GOLPH3: variants seen among roughly 807,000 people sequenced by gnomAD.
GOLPH3 encodes the protein coat protein GPP34.
A neutral mutation model predicts 28.5 loss-of-function variants in GOLPH3; 14 were observed. The ratio of observed to expected loss-of-function variants is 0.49; its 90% CI spans 0.32 to 0.77. The LOEUF is 0.77. Ranked by LOEUF, GOLPH3 falls within the 30% of genes least tolerant of loss-of-function variation. The pLI, the probability that GOLPH3 is intolerant of heterozygous loss-of-function variation, is 0.03. For synonymous variants in GOLPH3, 158 were observed against 159.2 expected (o/e 0.99, Z 0.06); for missense variants, 350 against 393.7 (o/e 0.89, Z 0.94).
intron 2 of GOLPH3, among the ~76,000 whole-genome samples, chr5:32,138,558 T>C (rs76066592): frequency 0.037 from 5,628 of 152,248 alleles, 381 homozygotes; most frequent in African/African-American, 0.13. Flanking sequence ...CTAGTAGTTA[T>C]ATTTTAAAAG....
chr5:32,147,205 T>C (rs982183317), intron 1 of GOLPH3, among the ~76,000 whole-genome samples: 2 of 151,860 alleles, frequency 1.3e-5, no homozygotes, highest in Non-Finnish European at 2.9e-5. Context: ...ATTATCATAG[T>C]AAAACACAAA....
At chr5:32,169,995 C>T (rs1402110507) in intron 1 of GOLPH3, among the ~76,000 whole-genome samples, 1 of 151,580 alleles carries the variant, frequency 6.6e-6, no homozygotes, top group Non-Finnish European at 1.5e-5. Context: ...ACTTTAGACT[C>T]ACTCCTAACA....
At position 32,164,802 on chromosome 5, in the gene GOLPH3, CTTAA is replaced by C. The variant is rs544360313; in HGVS notation, c.225+9004_225+9007del. Among the ~76,000 whole-genome samples the C allele has an allele frequency of 3.7e-3, 561 of 151,086 alleles. 2 individuals are homozygous for C. Among genetic ancestry groups the C allele is most frequent in the African/African-American group, 0.013 (522 of 41,050 alleles). On this transcript the variant is annotated intron_variant, in intron 1 of 3. Coordinates refer to ENST00000265070, the MANE Select transcript of GOLPH3 (RefSeq NM_022130.4). ...TTTACTTAATAAAGCCAGTAATCTA[CTTAA>C]TTAATACAGTAAATGTATTAAGTAA...
At chr5:32,143,617 T>G in intron 2 of GOLPH3, 132 bp downstream of exon 2, 1 of 787,406 alleles carries the variant, frequency 1.3e-6, no homozygotes, top group Admixed American at 2.9e-5. Context: ...GCAAAAAAGA[T>G]ATGGAAATAC....
intron 3 of GOLPH3, among the ~76,000 whole-genome samples, chr5:32,131,074 A>T (rs1196467282): frequency 6.6e-6 from 1 of 152,218 alleles, no homozygotes; most frequent in African/African-American, 2.4e-5. Context: ...ATAAAAAGGG[A>T]CCCAGCTATC....
intron 1 of GOLPH3, among the ~76,000 whole-genome samples, chr5:32,157,135 C>T (rs1351566680): frequency 6.6e-6 from 1 of 152,176 alleles, no homozygotes; most frequent in Non-Finnish European, 1.5e-5. Context: ...TCACTCAAAA[C>T]CAGGGATCTT....
chr5:32,134,638 T>C (rs971574281), intron 3 of GOLPH3: 1 of 152,146 alleles, frequency 6.6e-6, no homozygotes, highest in African/African-American at 2.4e-5. Flanking sequence ...TTCAAGGTTA[T>C]AGTGAGTTAG....
rs763841756 is a variant in GOLPH3, at chr5:32,161,402, C to CAA, written c.225+12406_225+12407dup. Among the ~76,000 whole-genome samples, 283 of 32,014 alleles carry CAA rather than the reference C, an allele frequency of 8.8e-3. 4 individuals carry two copies. The highest frequency in any genetic ancestry group is 0.034 in the African/African-American group (269 of 7,836). 21.0% of individuals were successfully genotyped at this position (32,014 alleles called of 152,430 possible). ...CTGGGTGACAGAGCATACCTTGTCT[C>CAA]AAAAAAAAAAAACCAAAGCTGAGGA... is the stretch of plus-strand genomic sequence containing the variant. On this transcript the variant is annotated intron_variant, in intron 1 of 3. Coordinates refer to ENST00000265070, the MANE Select transcript of GOLPH3 (RefSeq NM_022130.4).
chr5:32,159,390 A>C (rs927717550), intron 1 of GOLPH3, among the ~76,000 whole-genome samples: 1 of 152,230 alleles, frequency 6.6e-6, no homozygotes, highest in East Asian at 1.9e-4. Context: ...CCAGGTATGG[A>C]ATCTTCCACT....
In GOLPH3 at chr5:32,143,742, CTCT is replaced by C. The variant is rs1746133732; in HGVS notation, c.357+4_357+6del. The C allele has an allele frequency of 1.2e-6, 2 of 1,606,634 alleles. No homozygotes were observed. Among genetic ancestry groups the C allele is most frequent in the South Asian group, 1.1e-5 (1 of 89,386 alleles). ...TTAAAAAGAATGTTACTCAGCACTC[CTCT>C]TACCTTTCTTGTTAATAGACTTTTA... is the stretch of plus-strand genomic sequence containing the variant. On this transcript the variant is annotated splice_donor_5th_base_variant and intron_variant, in intron 2 of 3. Transcript: ENST00000265070.
chr5:32,143,184 A>G (rs369006142), intron 2 of GOLPH3, among the ~76,000 whole-genome samples: 14 of 152,170 alleles, frequency 9.2e-5, no homozygotes, highest in Middle Eastern at 3.2e-3. Context: ...CATGTGCTGT[A>G]TCCACTCAGG....
At chr5:32,134,391 T>C (rs2111841650) in intron 3 of GOLPH3, among the ~76,000 whole-genome samples, 1 of 151,984 alleles carries the variant, frequency 6.6e-6, no homozygotes, top group African/African-American at 2.4e-5. Context: ...TGTTTTTTGG[T>C]AGAAACAGGG....
chr5:32,171,854 A>T (rs1382758954), intron 1 of GOLPH3, among the ~76,000 whole-genome samples: 1 of 152,118 alleles, frequency 6.6e-6, no homozygotes, highest in Non-Finnish European at 1.5e-5. Flanking sequence ...AGGCTGAGGC[A>T]GGAGAATCGC....
rs116786920 is a variant in GOLPH3 at position 32,139,378 on chromosome 5, G to T, written c.358-3692C>A. Among the ~76,000 whole-genome samples, 452 of 152,280 alleles carry T rather than the reference G, an allele frequency of 3.0e-3. 2 individuals carry two copies. Among genetic ancestry groups the T allele is most frequent in the African/African-American group, 0.011 (443 of 41,552 alleles). ...TGAGCATCCAGATTTTGATATTTGAGGGGAGTCCTAGAACCAATCGCCCAC... is the reference window on the plus strand; with the variant it reads ...TGAGCATCCAGATTTTGATATTTGATGGGAGTCCTAGAACCAATCGCCCAC... On this transcript the variant is annotated intron_variant, in intron 2 of 3. Coordinates refer to ENST00000265070, the MANE Select transcript of GOLPH3 (RefSeq NM_022130.4).
chr5:32,134,748 A>C (rs1016794957), intron 3 of GOLPH3: 1 of 152,250 alleles, frequency 6.6e-6, no homozygotes, highest in East Asian at 1.9e-4. Context: ...AGCTGGTCCA[A>C]GTACAGCAGT....
At chr5:32,160,210 T>C (rs930764055) in intron 1 of GOLPH3, among the ~76,000 whole-genome samples, 20 of 152,234 alleles carry the variant, frequency 1.3e-4, no homozygotes, top group Admixed American at 2.6e-4. Flanking sequence ...AAAAAAATTA[T>C]TGGAAGTAAT....
rs764592858 is a variant in GOLPH3 at position 32,126,450 on chromosome 5, G to A, written c.659C>T (p.Ala220Val). 2 of 1,614,042 alleles carry A rather than the reference G, an allele frequency of 1.2e-6. No homozygotes were observed. The highest frequency in any genetic ancestry group is 1.7e-5 in the Admixed American group (1 of 60,004). Residue 220 changes from alanine (A) to valine (V), a missense_variant, in exon 4 of 4, where the codon GCC (alanine) becomes GTC (valine). Coordinates refer to ENST00000265070, the MANE Select transcript of GOLPH3 (RefSeq NM_022130.4). Reference sequence around the variant, plus strand: ...GTCATTCACCCATTTGTCAAGAACGGCTTCCTGTACTTTCTTGATGAGGCG... The same window carrying A: ...GTCATTCACCCATTTGTCAAGAACGACTTCCTGTACTTTCTTGATGAGGCG... ...KQRLIKKVQE[A>V]VLDKWVNDPH...
At chr5:32,130,078 T>C (rs1004589947) in intron 3 of GOLPH3, among the ~76,000 whole-genome samples, 1 of 152,326 alleles carries the variant, frequency 6.6e-6, no homozygotes, top group East Asian at 1.9e-4. Context: ...CCTGACATCG[T>C]GATCCACCCA....
chr5:32,162,994 C>A (rs1045695082), intron 1 of GOLPH3, among the ~76,000 whole-genome samples: 3 of 152,146 alleles, frequency 2.0e-5, no homozygotes, highest in Admixed American at 6.5e-5. Flanking sequence ...AGGAGAATGG[C>A]GTGAACCCGG....
Sources: allele counts gnomAD v4.1 joint callset (sites outside exome capture counted in the v4.1 genomes callset), GRCh38; gene constraint gnomAD v4.1.1; transcripts MANE v1.5; gene names NCBI Gene and HGNC (gene_info 2026-07-23, HGNC 2026-07-21).